Variants in PDK3 observed in about 807,000 individuals in gnomAD.
The protein encoded by PDK3 is pyruvate dehydrogenase kinase, isozyme 3.
A neutral mutation model predicts 32.0 loss-of-function variants in PDK3; 12 were observed. That is an observed-to-expected ratio of 0.37 (90% CI 0.24 to 0.61). The LOEUF (loss-of-function observed/expected upper bound fraction) is 0.61, where lower values mean the gene tolerates loss of function less well. PDK3 is among the 20% of genes least tolerant of loss of function. PDK3 has a pLI of 0.65. For missense variants in PDK3, 188 were observed against 316.9 expected (o/e 0.59, Z 3.09); for synonymous variants, 122 against 116.3 (o/e 1.05, Z -0.31).
intron 5 of PDK3, among the ~76,000 whole-genome samples, chrX:24,513,854 C>A: frequency 9.0e-6 from 1 of 111,490 alleles, no homozygotes; most frequent in Non-Finnish European, 1.9e-5. Context: ...AAAATAAAAA[C>A]AATTAAAAAC....
intron 1 of PDK3, among the ~76,000 whole-genome samples, chrX:24,483,749 G>C (rs2148183860): frequency 8.9e-6 from 1 of 111,738 alleles, no homozygotes; most frequent in African/African-American, 3.3e-5. Flanking sequence ...CTCTCACTCT[G>C]TCACCTAGGC....
intron 6 of PDK3, among the ~76,000 whole-genome samples, chrX:24,525,203 C>T (rs1054708602): frequency 1.8e-5 from 2 of 111,186 alleles, no homozygotes; most frequent in Middle Eastern, 4.6e-3. Context: ...TTGAAGAGTT[C>T]GGGATTTAGA....
At chrX:24,512,488 CA>C (rs1438179302) in intron 5 of PDK3, among the ~76,000 whole-genome samples, 3 of 112,044 alleles carry the variant, frequency 2.7e-5, no homozygotes, top group Non-Finnish European at 3.8e-5. Context: ...AAAGATTTAT[CA>C]AAAGAACCTG....
At chrX:24,502,600 C>G (rs1340241584) in intron 3 of PDK3, among the ~76,000 whole-genome samples, 1 of 111,892 alleles carries the variant, frequency 8.9e-6, no homozygotes, top group East Asian at 2.8e-4. Context: ...GTATGAGACA[C>G]TTTAGGAGGC....
intron 10 of PDK3, 34 bp from the exon 11 acceptor site, chrX:24,533,895 C>T (rs199913149): frequency 8.8e-5 from 102 of 1,153,843 alleles, no homozygotes; most frequent in Non-Finnish European, 1.1e-4. Flanking sequence ...ATGACACTGT[C>T]GACCTTTGGT....
chrX:24,502,381 T>C (rs755925897), intron 3 of PDK3, among the ~76,000 whole-genome samples: 45 of 112,004 alleles, frequency 4.0e-4, no homozygotes, highest in Middle Eastern at 9.2e-3. Context: ...TTTTTATATA[T>C]ACATACTCAC....
downstream of PDK3, among the ~76,000 whole-genome samples, chrX:24,538,921 CAG>C (rs1439521991): frequency 8.9e-6 from 1 of 111,925 alleles, no homozygotes; most frequent in Non-Finnish European, 1.9e-5. Flanking sequence ...TATTTCTAAC[CAG>C]AGTTTTCACT....
intron 5 of PDK3, 52 bp from the exon 6 acceptor site, chrX:24,518,871 ACACACACACG>A: frequency 1.6e-6 from 1 of 622,524 alleles, no homozygotes; most frequent in East Asian, 3.4e-5. Context: ...ACACACACAC[ACACACACACG>A]CTTGTGCCTA....
chrX:24,517,593 A>C (rs759742625), intron 5 of PDK3, among the ~76,000 whole-genome samples: 1 of 112,812 alleles, frequency 8.9e-6, no homozygotes, highest in East Asian at 2.8e-4. Flanking sequence ...ACAAGTGTTA[A>C]GACACAAACG....
chrX:24,504,386 A>G (rs1921931507), intron 4 of PDK3, among the ~76,000 whole-genome samples: 2 of 112,452 alleles, frequency 1.8e-5, no homozygotes, highest in Admixed American at 1.9e-4. Flanking sequence ...CTAAATACAC[A>G]TGTACACATA....
At chrX:24,516,556 T>C (rs1184050342) in intron 5 of PDK3, among the ~76,000 whole-genome samples, 1 of 111,823 alleles carries the variant, frequency 8.9e-6, no homozygotes, top group Non-Finnish European at 1.9e-5. Context: ...TAGATGATGC[T>C]TGAAAACATG....
At chrX:24,498,324 C>G (rs1315431198) in intron 2 of PDK3, among the ~76,000 whole-genome samples, 1 of 111,530 alleles carries the variant, frequency 9.0e-6, no homozygotes, top group Non-Finnish European at 1.9e-5. Context: ...TTCAGAGATT[C>G]ATGAAGCTAT....
Position 24,484,345 on chromosome X carries a change from A to G in PDK3, c.107-10397A>G, listed in dbSNP as rs1386926396. Among the ~76,000 whole-genome samples the G allele has an allele frequency of 5.3e-5, 6 of 112,479 alleles. No homozygotes were observed. The East Asian group carries it at 1.4e-3, about 26-fold the overall frequency. On this transcript the variant is annotated intron_variant, in intron 1 of 10. Coordinates refer to ENST00000379162, the MANE Select transcript of PDK3 (RefSeq NM_005391.5). ...ATTGAATACCTACAATGTACCAGGT[A>G]TTGTACTAATGGACTCTTCAATCTT...
At chrX:24,482,469 C>CA (rs1160865838) in intron 1 of PDK3, among the ~76,000 whole-genome samples, 1 of 111,979 alleles carries the variant, frequency 8.9e-6, no homozygotes, top group Non-Finnish European at 1.9e-5. Flanking sequence ...CTTGGCCTCT[C>CA]AAAGTGCTGG....
exon 12 of PDK3, chrX:24,549,997 G>A (rs905279694): frequency 8.9e-6 from 1 of 111,919 alleles, no homozygotes; most frequent in Non-Finnish European, 1.9e-5. Flanking sequence ...TCATAAAAGC[G>A]GTGTCTAAAC....
At chrX:24,511,946 A>G (rs1323121630) in intron 5 of PDK3, among the ~76,000 whole-genome samples, 1 of 111,606 alleles carries the variant, frequency 9.0e-6, no homozygotes, top group Non-Finnish European at 1.9e-5. Context: ...GAAAACTCCC[A>G]TGTAGAAGAG....
chrX:24,505,405 C>T, intron 5 of PDK3, 107 bp downstream of exon 5: 1 of 514,963 alleles, frequency 1.9e-6, no homozygotes, highest in South Asian at 3.4e-5. Flanking sequence ...GCTGATTCAT[C>T]AGGTCACTCT....
At chrX:24,504,430 C>T (rs1281110621) in intron 4 of PDK3, among the ~76,000 whole-genome samples, 2 of 111,899 alleles carry the variant, frequency 1.8e-5, no homozygotes, top group African/African-American at 6.5e-5. Context: ...TTAGTTAGGC[C>T]TACACATCTC....
At position 24,505,146 on chromosome X, in the gene PDK3, C is replaced by T; in HGVS notation, c.506-63C>T. The T allele has an allele frequency of 6.3e-6, 5 of 788,137 alleles. No individual in the cohort carries two copies. In the South Asian group the frequency reaches 7.4e-5, roughly 12 times the overall value. The allele number at this position is 788,137 out of a possible 1,213,427, so 65.0% of individuals were successfully genotyped here. On this transcript the variant is annotated intron_variant, in intron 4 of 10. Transcript: ENST00000379162. ...TTCTAAACATAAGCCCCTATATTTCCCTGTGTGACCATCCCAGCCTGCTGT... is the reference window on the plus strand; with the variant it reads ...TTCTAAACATAAGCCCCTATATTTCTCTGTGTGACCATCCCAGCCTGCTGT...
Sources: gnomAD v4.1 joint callset for allele counts (sites outside exome capture counted in the v4.1 genomes callset) on GRCh38, gnomAD v4.1.1 for gene constraint, MANE v1.5 for transcripts, NCBI Gene and HGNC (gene_info 2026-07-23, HGNC 2026-07-21) for gene names.